The following PAX8 variants were observed in gnomAD, a reference collection of about 807,000 sequenced individuals.
The protein encoded by PAX8 is paired box 8, also known as paired box protein Pax-8.
In PAX8, 15 loss-of-function variants were observed where a neutral mutation model predicts 52.4. The observed-to-expected ratio is 0.29, with a 90% CI of 0.19 to 0.44. The LOEUF (loss-of-function observed/expected upper bound fraction) is 0.44, where lower values mean the gene tolerates loss of function less well. PAX8 is among the 20% of genes least tolerant of loss of function. The probability of loss-of-function intolerance (pLI) is 1.00; values close to 1 mark genes in which losing one functional copy is unlikely to be tolerated. For missense variants in PAX8, 554 were observed against 602.5 expected (o/e 0.92, Z 0.84); for synonymous variants, 284 against 249.7 (o/e 1.14, Z -1.29).
At chr2:113,235,251 G>T (rs1466458729) in intron 9 of PAX8, 143 bp downstream of exon 9, 2 of 670,994 alleles carry the variant, frequency 3.0e-6, no homozygotes, top group African/African-American at 1.8e-5. Context: ...TCATGTTGGC[G>T]CCTCCAAAAG....
rs749370203 is a variant in PAX8 at position 113,244,527 on chromosome 2, G to A, written c.289C>T (p.Arg97Cys). The change falls in exon 4 of 12, where the codon CGC (arginine) becomes TGC (cysteine). Residue 97 changes from arginine (R) to cysteine (C), a missense_variant. Physicochemically the swap from Arg to Cys is radical, Grantham distance 180. Coordinates refer to ENST00000429538, the MANE Select transcript of PAX8 (RefSeq NM_003466.4). ...KVVEKIGDYK[R>C]QNPTMFAWEI... ...CAGGCAAACATGGTAGGGTTCTGGCGTTTGTAGTCCCCAATCTTCTCCACC... is the reference window on the plus strand; with the variant it reads ...CAGGCAAACATGGTAGGGTTCTGGCATTTGTAGTCCCCAATCTTCTCCACC... The A allele has an allele frequency of 1.2e-6, 2 of 1,613,982 alleles. No homozygotes were observed. The highest frequency in any genetic ancestry group is 1.3e-5 in the African/African-American group (1 of 74,926).
intron 10 of PAX8, among the ~76,000 whole-genome samples, chr2:113,222,647 T>C (rs533477261): frequency 6.6e-6 from 1 of 152,288 alleles, no homozygotes; most frequent in South Asian, 2.1e-4. Context: ...CATCAGTCTC[T>C]CCCTTCACCC....
At chr2:113,255,173 AAGG>A (rs746015463) in intron 2 of PAX8, among the ~76,000 whole-genome samples, 30 of 143,846 alleles carry the variant, frequency 2.1e-4, no homozygotes, top group Non-Finnish European at 3.1e-4. Flanking sequence ...AAAAAGAAGG[AAGG>A]AGGGACAGAG....
Position 113,241,617 on chromosome 2 carries a change from C to G in PAX8, c.711G>C (p.Glu237Asp), listed in dbSNP as rs1297739188. The G allele has an allele frequency of 2.5e-6, 4 of 1,613,530 alleles. No individual in the cohort carries two copies. The African/African-American group carries it at 5.3e-5, about 22-fold the overall frequency. The change falls in exon 7 of 12, where the codon GAG (glutamate) becomes GAC (aspartate). Residue 237 changes from glutamate (E) to aspartate (D), a missense_variant. Glu to Asp is a conservative substitution (Grantham distance 45, BLOSUM62 2). Around this residue, in one of 2 missense-constraint regions of PAX8, gnomAD observed 445 missense variants for 409.9 expected, o/e 1.09. Coordinates refer to ENST00000429538, the MANE Select transcript of PAX8 (RefSeq NM_003466.4). ...AFSQHHLEPL[E>D]CPFERQHYPE... ...GGTAGTGCTGCCGCTCAAATGGGCACTCGAGCGGCTCGAGGTGGTGCTGGC... is the reference window on the plus strand; with the variant it reads ...GGTAGTGCTGCCGCTCAAATGGGCAGTCGAGCGGCTCGAGGTGGTGCTGGC...
chr2:113,221,791 T>C (rs1689285043), intron 10 of PAX8, among the ~76,000 whole-genome samples: 1 of 152,090 alleles, frequency 6.6e-6, no homozygotes, highest in Admixed American at 6.6e-5. Flanking sequence ...AGAAGAGAGA[T>C]GAAGAGGAGC....
At chr2:113,236,412 C>G in intron 8 of PAX8, 189 bp downstream of exon 8, 1 of 542,770 alleles carries the variant, frequency 1.8e-6, no homozygotes, top group Non-Finnish European at 3.3e-6. Context: ...GGACTGGAGG[C>G]GCGACCCCTC....
At chr2:113,239,567 C>T (rs745338602) in intron 7 of PAX8, 2 of 152,226 alleles carry the variant, frequency 1.3e-5, no homozygotes, top group Admixed American at 6.5e-5. Context: ...ACATGAGGGG[C>T]CCTTGCACTG....
intron 2 of PAX8, among the ~76,000 whole-genome samples, chr2:113,264,038 A>G (rs553081040): frequency 1.3e-5 from 2 of 152,314 alleles, no homozygotes; most frequent in South Asian, 4.1e-4. Flanking sequence ...TGTGCTAGAT[A>G]TTGTTTGGAG....
chr2:113,235,363 GC>G (rs1377226604), intron 9 of PAX8, 30 bp downstream of exon 9: 1 of 1,537,976 alleles, frequency 6.5e-7, no homozygotes, highest in South Asian at 1.2e-5. Flanking sequence ...CGCCGCCATA[GC>G]TGCATGGCCC....
At chr2:113,278,742 A>G in intron 1 of PAX8, 89 bp downstream of exon 1, 3 of 668,768 alleles carry the variant, frequency 4.5e-6, no homozygotes, top group African/African-American at 3.7e-5. Flanking sequence ...GGGAGGGAAA[A>G]GGCTGCCAGG....
In PAX8 at chr2:113,278,448, C is replaced by A. The variant is rs995093943; in HGVS notation, c.-54G>T. The A allele has an allele frequency of 6.2e-7, 1 of 1,606,482 alleles. No individual in the cohort carries two copies. The highest frequency in any genetic ancestry group is 1.3e-5 in the African/African-American group (1 of 74,982). ...GGGCTCGGGGCTTCCTCCCGTAGGT[C>A]CGGGCCGCGCCTGCCGCTGCCCTGC... On this transcript the variant is annotated 5_prime_UTR_variant, in exon 2 of 12. Coordinates refer to ENST00000429538, the MANE Select transcript of PAX8 (RefSeq NM_003466.4).
intron 9 of PAX8, among the ~76,000 whole-genome samples, chr2:113,227,997 A>G (rs1317674947): frequency 6.6e-6 from 1 of 151,962 alleles, no homozygotes; most frequent in African/African-American, 2.4e-5. Flanking sequence ...ACAGACACCA[A>G]TCTCTCTGTT....
At chr2:113,274,900 C>T (rs1276075903) in intron 2 of PAX8, 2 of 152,022 alleles carry the variant, frequency 1.3e-5, no homozygotes, top group Non-Finnish European at 2.9e-5. Context: ...AAAATGAATA[C>T]CTATAAAATG....
chr2:113,235,807 C>G (rs1029031621), intron 8 of PAX8: 3 of 545,974 alleles, frequency 5.5e-6, no homozygotes, highest in Admixed American at 6.8e-5. Flanking sequence ...ATGGAGAGAC[C>G]CGGAAGGCGT....
intron 2 of PAX8, chr2:113,272,341 A>G (rs1693517744): frequency 6.6e-6 from 1 of 152,218 alleles, no homozygotes. Flanking sequence ...AGTGGCTTAT[A>G]TAAGAGAAAT....
At chr2:113,235,244 T>C in intron 9 of PAX8, 150 bp downstream of exon 9, 1 of 650,848 alleles carries the variant, frequency 1.5e-6, no homozygotes, top group Non-Finnish European at 2.6e-6. Flanking sequence ...GAGAACTTCA[T>C]GTTGGCGCCT....
At chr2:113,278,336 G>A (rs1362766409) in intron 2 of PAX8, 34 bp downstream of exon 2, 3 of 1,498,154 alleles carry the variant, frequency 2.0e-6, no homozygotes, top group South Asian at 1.1e-5. Flanking sequence ...AGCGGCGCGG[G>A]GGCTCGGGGA....
In PAX8 at chr2:113,242,740, G is replaced by A; in HGVS notation, c.428C>T (p.Pro143Leu). 1.2e-6 allele frequency: 2 copies of A among 1,613,976 alleles called. No homozygotes were observed. Among genetic ancestry groups the A allele is most frequent in the Non-Finnish European group, 1.7e-6 (2 of 1,179,894 alleles). Residue 143 changes from proline to leucine, a missense_variant, in exon 5 of 12, where the codon CCT (proline) becomes CTT (leucine). Around this residue, in one of 2 missense-constraint regions of PAX8, gnomAD observed 445 missense variants for 409.9 expected, o/e 1.09. Transcript: ENST00000429538. Reference protein sequence around the residue: ...RTKVQQPFNLPMDSCVATKSL... With the variant: ...RTKVQQPFNLLMDSCVATKSL... ...CTTGGTGGCCACGCAGCTGTCCATA[G>A]GGAGGTTGAATGGTTGCTGCACTTT... is the stretch of plus-strand genomic sequence containing the variant.
intron 2 of PAX8, 49 bp downstream of exon 2, chr2:113,278,321 C>A (rs1478594225): frequency 1.4e-6 from 2 of 1,409,212 alleles, no homozygotes; most frequent in East Asian, 2.3e-5. Context: ...CACGCACGGA[C>A]GCTCAGCGGC....
Sources: allele counts gnomAD v4.1 joint callset (sites outside exome capture counted in the v4.1 genomes callset), GRCh38; gene constraint gnomAD v4.1.1; regional missense constraint gnomAD v4.1.1; transcripts MANE v1.5; gene names NCBI Gene and HGNC (gene_info 2026-07-23, HGNC 2026-07-21).